DNAAF3: variants seen among roughly 807,000 people sequenced by gnomAD.
DNAAF3 encodes the protein UPF0470 protein C19orf51.
Under a neutral mutation model 50.9 loss-of-function variants are expected in DNAAF3, and 40 were observed. The ratio of observed to expected loss-of-function variants is 0.79; its 90% CI spans 0.61 to 1.02. DNAAF3 has a LOEUF of 1.02. Ranked by LOEUF, DNAAF3 falls within the 50% of genes least tolerant of loss-of-function variation. The probability of loss-of-function intolerance (pLI) is 0.00; values close to 1 mark genes in which losing one functional copy is unlikely to be tolerated. For synonymous variants in DNAAF3, 327 were observed against 322.8 expected, an observed-to-expected ratio of 1.01 and a Z score of -0.14; for missense variants, 763 against 744.7, an observed-to-expected ratio of 1.02 and a Z score of -0.29.
Position 55,161,398 on chromosome 19 carries a change from C to T in DNAAF3, c.684G>A (p.Gln228=). Residue 228 remains glutamine (Q), a synonymous_variant, in exon 7 of 12, where the codon CAG becomes CAA. Transcript: ENST00000524407. This position sits in a 1 kb window ranked among gnomAD's most constrained non-coding sequence, Gnocchi z 6.4. ...CTGTGTCCCGCCAGCGTCGGAACTC[C>T]TGGGGGTGAATGACTTGAGCCTGGG... The part of the protein sequence containing the change: ...HDRGAQVIHP[Q]EFRRWRDTGV... The T allele has an allele frequency of 6.3e-7, 1 of 1,585,830 alleles. No homozygotes were observed. Among genetic ancestry groups the T allele is most frequent in the Non-Finnish European group, 8.6e-7 (1 of 1,167,242 alleles).
In DNAAF3 at chr19:55,161,651, C is replaced by A. The variant is rs774308427; in HGVS notation, c.655G>T (p.Asp219Tyr). 7 of 1,537,010 alleles carry A rather than the reference C, an allele frequency of 4.6e-6. No homozygotes were observed. The African/African-American group carries it at 9.6e-5, about 21-fold the overall frequency. The change falls in exon 6 of 12, where the codon GAC becomes TAC. Residue 219 changes from aspartate (D) to tyrosine (Y), a missense_variant. Asp to Tyr is a radical substitution (Grantham distance 160). Transcript: ENST00000524407. The surrounding 1 kb of genome is among the most constrained non-coding windows in gnomAD (Gnocchi z 6.4). ...TCTCCTGGGCCCCTCACCCCGCGGT[C>A]ATGCAGCTTCATGCGCAGGTCCCAG... ...SDWDLRMKLHDRGAQVIHPQE... is the reference protein window; with the variant it reads ...SDWDLRMKLHYRGAQVIHPQE...
At position 55,160,041 on chromosome 19, in the gene DNAAF3, T is replaced by C. The variant is rs767371999; in HGVS notation, c.1049-28A>G. 9 of 1,489,658 alleles carry C rather than the reference T, an allele frequency of 6.0e-6. No individual in the cohort carries two copies. Among genetic ancestry groups the C allele is most frequent in the Non-Finnish European group, 8.4e-6 (9 of 1,068,736 alleles). The allele number at this position is 1,489,658 out of a possible 1,614,324, so 92.3% of individuals were successfully genotyped here. A position where few individuals can be genotyped will look rare whatever the true frequency, so the allele number is the denominator to read the frequency against. ...GGGGGAAGGGGATAGAGGGGTCACCTCTGACAGGCGGAGCCATAAGGGCGG... is the reference window on the plus strand; with the variant it reads ...GGGGGAAGGGGATAGAGGGGTCACCCCTGACAGGCGGAGCCATAAGGGCGG... On this transcript the variant is annotated intron_variant, in intron 9 of 11. Coordinates refer to ENST00000524407, the MANE Select transcript of DNAAF3 (RefSeq NM_001256715.2). The surrounding 1 kb of genome is among the most constrained non-coding windows in gnomAD (Gnocchi z 4.7).
Position 55,158,728 on chromosome 19 carries a change from C to A in DNAAF3, c.*334G>T, listed in dbSNP as rs1284974494. ...TGACCAGGCCCTGGTGAGGAGACAC[C>A]CCAGCCCCTAGTCAGCCACAGGGTG... is the stretch of plus-strand genomic sequence containing the variant. On this transcript the variant is annotated 3_prime_UTR_variant, in exon 12 of 12. Transcript: ENST00000524407. 1 of 240,168 alleles carries A rather than the reference C, an allele frequency of 4.2e-6. No homozygotes were observed. The highest frequency in any genetic ancestry group is 8.9e-5 in the East Asian group (1 of 11,194). 14.9% of individuals were successfully genotyped at this position (240,168 alleles called of 1,614,324 possible).
chr19:55,162,120 C>T lies in DNAAF3; in HGVS notation c.480+13G>A. The T allele has an allele frequency of 4.0e-6, 5 of 1,244,958 alleles. No individual in the cohort carries two copies. Among genetic ancestry groups the T allele is most frequent in the Non-Finnish European group, 4.0e-6 (4 of 990,252 alleles). The allele number at this position is 1,244,958 out of a possible 1,614,324, so 77.1% of individuals were successfully genotyped here. A position where few individuals can be genotyped will look rare whatever the true frequency, so the allele number is the denominator to read the frequency against. On this transcript the variant is annotated intron_variant, in intron 5 of 11. Transcript: ENST00000524407. ...CGGCCACCCGATCCCAGATGGAGGC[C>T]GGGCGGCGGCACCTTGAGGGCGCGG...
chr19:55,161,822 G>A lies in DNAAF3; in HGVS notation c.484C>T (p.Arg162Cys), dbSNP rs760391305. ...ACGGCCTCCAGGGCATCCCGCTCGC[G>A]GAACTGCGGGGCCAGGCACGCGGTG... ...PWLSLRALKF[R>C]ERDALEAVFR... Residue 162 changes from arginine to cysteine, a missense_variant, in exon 6 of 12, where the codon CGC becomes TGC. Coordinates refer to ENST00000524407, the MANE Select transcript of DNAAF3 (RefSeq NM_001256715.2). This position sits in a 1 kb window ranked among gnomAD's most constrained non-coding sequence, Gnocchi z 6.4. 5 of 1,436,166 alleles carry A rather than the reference G, an allele frequency of 3.5e-6. No individual in the cohort carries two copies. Among genetic ancestry groups the A allele is most frequent in the South Asian group, 1.4e-5 (1 of 69,938 alleles). 89.0% of individuals were successfully genotyped at this position (1,436,166 alleles called of 1,614,324 possible).
At position 55,165,972 on chromosome 19, in the gene DNAAF3, G is replaced by T. The variant is rs1228746764; in HGVS notation, c.114C>A (p.Ala38=). ...ESPPVDPDSQ[A]DTVHSNPELD... ...GCTCGGGGTTGCTGTGCACTGTATCGGCCTGGGAGTCTGGGTCCACAGGAG... is the reference window on the plus strand; with the variant it reads ...GCTCGGGGTTGCTGTGCACTGTATCTGCCTGGGAGTCTGGGTCCACAGGAG... The change falls in exon 3 of 12, where the codon GCC becomes GCA. Residue 38 remains alanine (A), a synonymous_variant. Transcript: ENST00000524407. 6.2e-7 allele frequency: 1 copy of T among 1,614,058 alleles called. No homozygotes were observed. The highest frequency in any genetic ancestry group is 8.5e-7 in the Non-Finnish European group (1 of 1,180,042).
chr19:55,164,152 C>A (rs998358245), intron 4 of DNAAF3, among the ~76,000 whole-genome samples: 5 of 152,162 alleles, frequency 3.3e-5, no homozygotes, highest in Non-Finnish European at 7.3e-5. Flanking sequence ...AGCCATACTC[C>A]CTGTACAGCC....
rs1056296743 is a variant in DNAAF3 at position 55,162,211 on chromosome 19, G to T, written c.402C>A (p.Ala134=). 21 of 1,253,458 alleles carry T rather than the reference G, an allele frequency of 1.7e-5. No individual in the cohort carries two copies. In the African/African-American group the frequency reaches 3.1e-4, roughly 18 times the overall value. The allele number at this position is 1,253,458 out of a possible 1,614,324, so 77.6% of individuals were successfully genotyped here. ...PPVAAFVRAQ[A]DLLAHLVPEP... ...CGGGGACCAGGTGCGCCAGCAGGTC[G>T]GCCTGGGCACGCACGAAGGCGGCCA... The change falls in exon 5 of 12, where the codon GCC becomes GCA. Residue 134 remains alanine (A), a synonymous_variant. Coordinates refer to ENST00000524407, the MANE Select transcript of DNAAF3 (RefSeq NM_001256715.2).
chr19:55,163,290 G>A (rs989483278), intron 4 of DNAAF3, among the ~76,000 whole-genome samples: 5 of 148,546 alleles, frequency 3.4e-5, no homozygotes, highest in African/African-American at 1.3e-4. Flanking sequence ...TTACAGGCGT[G>A]AGCCATCGCG....
chr19:55,161,110 C>G lies in DNAAF3; in HGVS notation c.867G>C (p.Ala289=). The G allele has an allele frequency of 6.5e-7, 1 of 1,545,608 alleles. No homozygotes were observed. The highest frequency in any genetic ancestry group is 8.7e-7 in the Non-Finnish European group (1 of 1,146,848). The change falls in exon 8 of 12, where the codon GCG becomes GCC. Residue 289 remains alanine, a synonymous_variant. Coordinates refer to ENST00000524407, the MANE Select transcript of DNAAF3 (RefSeq NM_001256715.2). This position sits in a 1 kb window ranked among gnomAD's most constrained non-coding sequence, Gnocchi z 6.4. ...TCGTCCGCAGGAGGCTCTCGTCGTC[C>G]GCTTCGATGCCGAAGGCCACGAAGG... The part of the protein sequence containing the change: ...TGPFVAFGIE[A]DDESLLRTSN...
chr19:55,161,865 G>C lies in DNAAF3; in HGVS notation c.481-40C>G. 7.1e-7 allele frequency: 1 copy of C among 1,405,504 alleles called. No individual in the cohort carries two copies. The highest frequency in any genetic ancestry group is 9.2e-7 in the Non-Finnish European group (1 of 1,082,570). The allele number at this position is 1,405,504 out of a possible 1,614,324, so 87.1% of individuals were successfully genotyped here. ...ACGCGGTGGGACAGAGGAAGGCAGA[G>C]AGGGATGCAGGGAGAGCGGATTCTA... On this transcript the variant is annotated intron_variant, in intron 5 of 11. Transcript: ENST00000524407. This position sits in a 1 kb window ranked among gnomAD's most constrained non-coding sequence, Gnocchi z 6.4.
chr19:55,163,134 G>C (rs10415231), intron 4 of DNAAF3, among the ~76,000 whole-genome samples: 42,467 of 148,718 alleles, frequency 0.29, 7,384 homozygotes, highest in African/African-American at 0.47. Flanking sequence ...CTCAGCCTCC[G>C]GAGTAGCTGG....
rs796675371 is a variant in DNAAF3, at chr19:55,166,264, TA to T, written c.85+64del. ...CCACCGACGCTGGGACTACGAGCTC[TA>T]AAAGGCCGTCTGCTCAGGCTGGGAA... On this transcript the variant is annotated intron_variant, in intron 2 of 11. Transcript: ENST00000524407. The surrounding 1 kb of genome is among the most constrained non-coding windows in gnomAD (Gnocchi z 4.0). The T allele has an allele frequency of 1.5e-5, 23 of 1,583,134 alleles. No homozygotes were observed. The African/African-American group carries it at 3.1e-4, about 21-fold the overall frequency.
chr19:55,158,810 T>C lies in DNAAF3; in HGVS notation c.*252A>G. Reference sequence around the variant, plus strand: ...TGAGACTCAGTGTCAGATCCTAGGCTGGGCTTAGAGCCTCAGAAGTGGAAT... The same window carrying C: ...TGAGACTCAGTGTCAGATCCTAGGCCGGGCTTAGAGCCTCAGAAGTGGAAT... On this transcript the variant is annotated 3_prime_UTR_variant, in exon 12 of 12. Transcript: ENST00000524407. 1 of 414,580 alleles carries C rather than the reference T, an allele frequency of 2.4e-6. No homozygotes were observed. The highest frequency in any genetic ancestry group is 4.3e-6 in the Non-Finnish European group (1 of 234,388). 25.7% of individuals were successfully genotyped at this position (414,580 alleles called of 1,614,324 possible).
At chr19:55,162,048 G>C in intron 5 of DNAAF3, 85 bp downstream of exon 5, 1 of 1,324,422 alleles carries the variant, frequency 7.6e-7, no homozygotes, top group Non-Finnish European at 9.6e-7. Context: ...CCCGCCGCCT[G>C]CTCCATCAAC....
Position 55,165,846 on chromosome 19 carries a change from A to G in DNAAF3, c.228+12T>C. 1 of 1,613,104 alleles carries G rather than the reference A, an allele frequency of 6.2e-7. No individual in the cohort carries two copies. The highest frequency in any genetic ancestry group is 8.5e-7 in the Non-Finnish European group (1 of 1,179,688). On this transcript the variant is annotated intron_variant, in intron 3 of 11. Coordinates refer to ENST00000524407, the MANE Select transcript of DNAAF3 (RefSeq NM_001256715.2). ...CTCGGGAATCTGGGCTCTCATCTTC[A>G]TCCCAGCTCACGTTGAACCTCCTGC...
In DNAAF3 at chr19:55,162,182, G is replaced by C; in HGVS notation, c.431C>G (p.Pro144Arg). 8.0e-7 allele frequency: 1 copy of C among 1,253,668 alleles called. No homozygotes were observed. The highest frequency in any genetic ancestry group is 3.9e-5 in the South Asian group (1 of 25,936). The allele number at this position is 1,253,668 out of a possible 1,614,324, so 77.7% of individuals were successfully genotyped here. A position where few individuals can be genotyped will look rare whatever the true frequency, so the allele number is the denominator to read the frequency against. Reference sequence around the variant, plus strand: ...GGGCAGCTGTTCCTCCAGGCGGTCGGGCTCGGGGACCAGGTGCGCCAGCAG... The same window carrying C: ...GGGCAGCTGTTCCTCCAGGCGGTCGCGCTCGGGGACCAGGTGCGCCAGCAG... ...ADLLAHLVPEPDRLEEQLPWL... is the reference protein window; with the variant it reads ...ADLLAHLVPERDRLEEQLPWL... The change falls in exon 5 of 12, where the codon CCC becomes CGC. Residue 144 changes from proline to arginine, a missense_variant. Transcript: ENST00000524407.
rs1310084111 is a variant in DNAAF3, at chr19:55,165,461, G to T, written c.231C>A (p.Phe77Leu). The T allele has an allele frequency of 4.3e-6, 7 of 1,614,064 alleles. No homozygotes were observed. Among genetic ancestry groups the T allele is most frequent in the South Asian group, 2.2e-5 (2 of 91,068 alleles). Residue 77 changes from phenylalanine to leucine, a missense_variant and splice_region_variant, in exon 4 of 12, where the codon TTC becomes TTA. Physicochemically the swap from Phe to Leu is conservative, Grantham distance 22 (BLOSUM62 0). Transcript: ENST00000524407. ...CTTCCAGATTATTCTCCAGCACAAA[G>T]AACTAGAAGGATGGACAGGGCAGAA... ...AKFWPRRRFNFFVLENNLEAV... is the reference protein window; with the variant it reads ...AKFWPRRRFNLFVLENNLEAV...
At chr19:55,163,333 T>TTTTTG (rs2085878405) in intron 4 of DNAAF3, among the ~76,000 whole-genome samples, 1 of 120,444 alleles carries the variant, frequency 8.3e-6, no homozygotes, top group African/African-American at 3.2e-5. Context: ...TTTTTTTTTG[T>TTTTTG]ATTTTTAGTA....
Sources: allele counts gnomAD v4.1 joint callset (sites outside exome capture counted in the v4.1 genomes callset), GRCh38; gene constraint gnomAD v4.1.1; non-coding constraint Gnocchi (gnomAD v3.1); transcripts MANE v1.5; gene names NCBI Gene and HGNC (gene_info 2026-07-23, HGNC 2026-07-21).